Variants in MYO3B observed in about 807,000 individuals in gnomAD.
MYO3B encodes the protein myosin-IIIb.
Under a neutral mutation model 174.6 loss-of-function variants are expected in MYO3B, and 156 were observed. The observed-to-expected ratio is 0.89, with a 90% CI of 0.78 to 1.02. The LOEUF is 1.02. Ranked by LOEUF, MYO3B falls within the 50% of genes least tolerant of loss-of-function variation. MYO3B has a pLI of 0.00. For synonymous variants in MYO3B, 563 were observed against 569.1 expected (o/e 0.99, Z 0.15); for missense variants, 1,632 against 1,639.4 (o/e 1.00, Z 0.08).
chr2:170,467,244 G>A (rs568011856), intron 25 of MYO3B, among the ~76,000 whole-genome samples: 1 of 152,218 alleles, frequency 6.6e-6, no homozygotes, highest in Non-Finnish European at 1.5e-5. Flanking sequence ...GAGAAAACTT[G>A]GGTATGAAAA....
At chr2:170,512,785 T>G (rs905184731) in intron 28 of MYO3B, among the ~76,000 whole-genome samples, 4 of 152,204 alleles carry the variant, frequency 2.6e-5, no homozygotes, top group Non-Finnish European at 4.4e-5. Context: ...ATAAATGACC[T>G]GCATCATGTA....
At chr2:170,371,570 T>C (rs2094244940) in intron 9 of MYO3B, among the ~76,000 whole-genome samples, 1 of 152,092 alleles carries the variant, frequency 6.6e-6, no homozygotes, top group Non-Finnish European at 1.5e-5. Context: ...TACTTCCTCT[T>C]AGCAACTGGC....
chr2:170,542,652 A>G (rs992634317), intron 30 of MYO3B, among the ~76,000 whole-genome samples: 1 of 152,146 alleles, frequency 6.6e-6, no homozygotes, highest in African/African-American at 2.4e-5. Flanking sequence ...CAATCACACA[A>G]CTTTAAAAGG....
At chr2:170,327,428 A>G (rs1244579309) in intron 7 of MYO3B, among the ~76,000 whole-genome samples, 1 of 152,188 alleles carries the variant, frequency 6.6e-6, no homozygotes, top group Non-Finnish European at 1.5e-5. Flanking sequence ...TTTAACTACA[A>G]GCTTTTGCTT....
At chr2:170,271,881 A>G (rs1244028993) in intron 7 of MYO3B, among the ~76,000 whole-genome samples, 1 of 152,142 alleles carries the variant, frequency 6.6e-6, no homozygotes, top group Non-Finnish European at 1.5e-5. Context: ...ATGTAGTCTC[A>G]GAATTTGAGG....
intron 25 of MYO3B, among the ~76,000 whole-genome samples, chr2:170,469,971 G>A (rs1252052542): frequency 6.7e-6 from 1 of 149,664 alleles, no homozygotes; most frequent in Non-Finnish European, 1.5e-5. Context: ...GTGTGTTGGT[G>A]CATGCCTGTA....
chr2:170,485,416 C>CAGAG (rs1202554590), intron 25 of MYO3B, among the ~76,000 whole-genome samples: 5 of 129,234 alleles, frequency 3.9e-5, no homozygotes, highest in African/African-American at 8.3e-5. Flanking sequence ...CACACACACA[C>CAGAG]ACACAGAGAG....
At chr2:170,383,856 G>T in intron 12 of MYO3B, 42 bp downstream of exon 12, 1 of 1,485,192 alleles carries the variant, frequency 6.7e-7, no homozygotes, top group South Asian at 1.1e-5. Flanking sequence ...ACCCAGTTAA[G>T]ACATGTTGTG....
chr2:170,459,613 C>T (rs1405717133), intron 23 of MYO3B, among the ~76,000 whole-genome samples: 7 of 152,326 alleles, frequency 4.6e-5, no homozygotes, highest in Admixed American at 2.6e-4. Context: ...CCCACCAGTC[C>T]CGGCGCCACA....
At chr2:170,542,781 A>G in intron 30 of MYO3B, 125 bp from the exon 31 acceptor site, 1 of 722,562 alleles carries the variant, frequency 1.4e-6, no homozygotes, top group Non-Finnish European at 2.2e-6. Context: ...CAAGGACTGA[A>G]ATGGGAAACC....
At chr2:170,605,389 A>T (rs1694751150) in intron 32 of MYO3B, among the ~76,000 whole-genome samples, 2 of 152,148 alleles carry the variant, frequency 1.3e-5, no homozygotes. Flanking sequence ...CCCAGTTCAT[A>T]TGTCCAGCCC....
intron 8 of MYO3B, among the ~76,000 whole-genome samples, chr2:170,359,252 TAA>T (rs1160494595): frequency 1.3e-5 from 2 of 152,230 alleles, no homozygotes; most frequent in African/African-American, 4.8e-5. Context: ...CTATTAAATT[TAA>T]GTTTGCCTAA....
intron 32 of MYO3B, among the ~76,000 whole-genome samples, chr2:170,582,351 G>A (rs1693206418): frequency 1.3e-5 from 2 of 152,190 alleles, no homozygotes; most frequent in African/African-American, 4.8e-5. Flanking sequence ...CGTGGCAAAT[G>A]TGCGTGGGGT....
intron 7 of MYO3B, among the ~76,000 whole-genome samples, chr2:170,291,806 T>G (rs2093598351): frequency 6.6e-6 from 1 of 152,110 alleles, no homozygotes; most frequent in Non-Finnish European, 1.5e-5. Flanking sequence ...CCAGACAAAT[T>G]GGAGATCCTT....
At chr2:170,364,209 T>A (rs889874101) in intron 8 of MYO3B, among the ~76,000 whole-genome samples, 1 of 152,180 alleles carries the variant, frequency 6.6e-6, no homozygotes, top group Non-Finnish European at 1.5e-5. Flanking sequence ...GGATATCATT[T>A]GTGGGGCCCA....
chr2:170,405,150 G>A (rs1043388746), intron 20 of MYO3B, among the ~76,000 whole-genome samples: 2 of 152,178 alleles, frequency 1.3e-5, no homozygotes, highest in Non-Finnish European at 2.9e-5. Context: ...ATTGATTTGT[G>A]GCAGAGATTC....
chr2:170,241,609 G>A (rs988085527), intron 7 of MYO3B, among the ~76,000 whole-genome samples: 13 of 152,182 alleles, frequency 8.5e-5, no homozygotes, highest in African/African-American at 2.7e-4. Context: ...AACGGAGAGA[G>A]TTTGGATAAC....
At chr2:170,642,656 A>G (rs912011171) in intron 32 of MYO3B, among the ~76,000 whole-genome samples, 12 of 152,194 alleles carry the variant, frequency 7.9e-5, no homozygotes, top group Non-Finnish European at 4.4e-5. Flanking sequence ...GGGATTTTGA[A>G]TCAAGAATCT....
chr2:170,440,804 T>G (rs1396392909), intron 22 of MYO3B, among the ~76,000 whole-genome samples: 3 of 143,716 alleles, frequency 2.1e-5, no homozygotes, highest in Admixed American at 6.8e-5. Flanking sequence ...GTTGGTTTTT[T>G]TTTTTTTTTT....
Sources: gnomAD v4.1 joint callset for allele counts (sites outside exome capture counted in the v4.1 genomes callset) on GRCh38, gnomAD v4.1.1 for gene constraint, MANE v1.5 for transcripts, NCBI Gene and HGNC (gene_info 2026-07-23, HGNC 2026-07-21) for gene names.